MAGI1: variants seen among roughly 807,000 people sequenced by gnomAD.
MAGI1 encodes the protein membrane-associated guanylate kinase, WW and PDZ domain-containing protein 1.
MAGI1 carries 58 observed loss-of-function variants against 139.9 expected under a neutral mutation model. The observed-to-expected ratio is 0.41, with a 90% CI of 0.34 to 0.52. The LOEUF is 0.52. Among genes scored for constraint, MAGI1 ranks in the 20% least tolerant of loss-of-function variants. The probability of loss-of-function intolerance (pLI) is 0.12; values close to 1 mark genes in which losing one functional copy is unlikely to be tolerated. For missense variants in MAGI1, 1,874 were observed against 1,901.6 expected (o/e 0.99, Z 0.27); for synonymous variants, 812 against 737.9 (o/e 1.10, Z -1.63).
At chr3:65,828,742 G>GGAT (rs1459624243) in intron 1 of MAGI1, among the ~76,000 whole-genome samples, 3 of 152,080 alleles carry the variant, frequency 2.0e-5, no homozygotes, top group Non-Finnish European at 4.4e-5. Flanking sequence ...TGAGATACGG[G>GGAT]GATTACTCTG....
At chr3:65,605,947 C>T (rs745419732) in intron 2 of MAGI1, among the ~76,000 whole-genome samples, 10 of 152,182 alleles carry the variant, frequency 6.6e-5, no homozygotes, top group Admixed American at 4.6e-4. Flanking sequence ...TAAAACATCC[C>T]TTCCCTCCTC....
chr3:65,906,703 T>C (rs1252593422), intron 1 of MAGI1, among the ~76,000 whole-genome samples: 1 of 151,978 alleles, frequency 6.6e-6, no homozygotes, highest in East Asian at 1.9e-4. Context: ...CTGACCAACA[T>C]GGTGAAACCC....
chr3:65,456,794 A>G (rs1382766599), intron 5 of MAGI1, among the ~76,000 whole-genome samples: 6 of 152,178 alleles, frequency 3.9e-5, no homozygotes, highest in African/African-American at 7.2e-5. Context: ...CTCCATTGGA[A>G]TGCTTTCAAA....
At chr3:65,389,759 A>G (rs1241299104) in intron 14 of MAGI1, among the ~76,000 whole-genome samples, 1 of 152,218 alleles carries the variant, frequency 6.6e-6, no homozygotes, top group Non-Finnish European at 1.5e-5. Context: ...CAGCGACTAA[A>G]TAAGTCCCTG....
At chr3:65,393,800 C>T (rs1944140349) in intron 13 of MAGI1, among the ~76,000 whole-genome samples, 1 of 152,170 alleles carries the variant, frequency 6.6e-6, no homozygotes, top group South Asian at 2.1e-4. Context: ...GGCGTGCACA[C>T]TGCAGGATTA....
chr3:65,611,618 G>T (rs993960805), intron 2 of MAGI1, among the ~76,000 whole-genome samples: 4 of 108,078 alleles, frequency 3.7e-5, no homozygotes, highest in Non-Finnish European at 6.2e-5. Context: ...TACTATACTA[G>T]TATATACAGT....
At chr3:65,992,882 G>A (rs1293350833) in intron 1 of MAGI1, among the ~76,000 whole-genome samples, 3 of 152,158 alleles carry the variant, frequency 2.0e-5, no homozygotes, top group Admixed American at 6.6e-5. Flanking sequence ...CTGGAGTGAA[G>A]TGGCATGATC....
At chr3:65,705,937 T>G (rs921343881) in intron 1 of MAGI1, among the ~76,000 whole-genome samples, 2 of 152,244 alleles carry the variant, frequency 1.3e-5, no homozygotes, top group Non-Finnish European at 2.9e-5. Flanking sequence ...ATCTGCAGTA[T>G]ATTTCTGTAG....
chr3:65,899,313 GAA>G (rs1046320725), intron 1 of MAGI1, among the ~76,000 whole-genome samples: 1 of 152,172 alleles, frequency 6.6e-6, no homozygotes, highest in Non-Finnish European at 1.5e-5. Context: ...TCAGCTCCAG[GAA>G]AAGAGTCATC....
intron 1 of MAGI1, among the ~76,000 whole-genome samples, chr3:65,772,070 G>T (rs2037998260): frequency 6.6e-6 from 1 of 152,078 alleles, no homozygotes; most frequent in Non-Finnish European, 1.5e-5. Flanking sequence ...ACTTGGTGGT[G>T]GGTGCCTGTA....
At chr3:65,474,934 T>G (rs1950789072) in intron 4 of MAGI1, among the ~76,000 whole-genome samples, 1 of 152,178 alleles carries the variant, frequency 6.6e-6, no homozygotes, top group African/African-American at 2.4e-5. Flanking sequence ...ACCTCCCTGG[T>G]ATATGCATAA....
At chr3:65,625,023 C>A (rs1001183391) in intron 1 of MAGI1, among the ~76,000 whole-genome samples, 1 of 152,058 alleles carries the variant, frequency 6.6e-6, no homozygotes, top group Non-Finnish European at 1.5e-5. Context: ...CAGGCATCTT[C>A]CACCACGCGC....
At chr3:65,956,675 A>C (rs1262760346) in intron 1 of MAGI1, among the ~76,000 whole-genome samples, 1 of 152,186 alleles carries the variant, frequency 6.6e-6, no homozygotes, top group East Asian at 1.9e-4. Context: ...TGGTAACATA[A>C]ACTAGAAGAG....
chr3:65,847,366 G>T (rs759926485), intron 1 of MAGI1, among the ~76,000 whole-genome samples: 7 of 151,850 alleles, frequency 4.6e-5, no homozygotes, highest in Admixed American at 3.9e-4. Context: ...TTTTCTGGCC[G>T]GCACCACCTG....
chr3:65,663,602 G>C (rs1414535218), intron 1 of MAGI1, among the ~76,000 whole-genome samples: 1 of 152,172 alleles, frequency 6.6e-6, no homozygotes, highest in East Asian at 1.9e-4. Context: ...GGTATCTATT[G>C]AGGGCCCACT....
At chr3:65,501,761 A>G (rs2077092345) in intron 2 of MAGI1, among the ~76,000 whole-genome samples, 1 of 152,238 alleles carries the variant, frequency 6.6e-6, no homozygotes. Flanking sequence ...AGAAATGTTT[A>G]GAAGAGCTTT....
At chr3:65,606,564 C>T (rs2082753790) in intron 2 of MAGI1, among the ~76,000 whole-genome samples, 1 of 152,086 alleles carries the variant, frequency 6.6e-6, no homozygotes, top group Admixed American at 6.6e-5. Context: ...GTCACCCAGA[C>T]TGGAGTATAG....
At position 65,357,008 on chromosome 3, in the gene MAGI1, T is replaced by G. The variant is rs142535854; in HGVS notation, c.3759A>C (p.Ser1253=). ...GTGCCCGCTTTTCCCCATGTGGTGA[T>G]GATTTGTGAAGATCGGGTGGGTAAC... ...ESSYPPDLHK[S]SPHGEKRAHA... is the part of the protein sequence containing the mutation. Residue 1253 remains serine, a synonymous_variant, in exon 23 of 23, where the codon TCA becomes TCC. Transcript: ENST00000402939. The G allele has an allele frequency of 1.9e-6, 3 of 1,614,086 alleles. No individual in the cohort carries two copies. The highest frequency in any genetic ancestry group is 2.5e-6 in the Non-Finnish European group (3 of 1,180,042).
chr3:65,885,254 C>T (rs61208028), intron 1 of MAGI1, among the ~76,000 whole-genome samples: 5,890 of 151,786 alleles, frequency 0.039, 138 homozygotes, highest in African/African-American at 0.056. Context: ...CAAATTAGCC[C>T]GGTGTGGTGG....
Sources: allele counts gnomAD v4.1 joint callset (sites outside exome capture counted in the v4.1 genomes callset), GRCh38; gene constraint gnomAD v4.1.1; transcripts MANE v1.5; gene names NCBI Gene and HGNC (gene_info 2026-07-23, HGNC 2026-07-21).